DLG2: variants seen among roughly 807,000 people sequenced by gnomAD.
The protein encoded by DLG2 is discs large MAGUK scaffold protein 2, also known as disks large homolog 2.
In DLG2, 45 loss-of-function variants were observed where a neutral mutation model predicts 132.5. The observed-to-expected ratio is 0.34, with a 90% CI of 0.27 to 0.44. The LOEUF is 0.44. Among genes scored for constraint, DLG2 ranks in the 20% least tolerant of loss-of-function variants. The pLI, the probability that DLG2 is intolerant of heterozygous loss-of-function variation, is 1.00. For missense variants in DLG2, 1,045 were observed against 1,196.9 expected (o/e 0.87, Z 1.87); for synonymous variants, 424 against 419.6 (o/e 1.01, Z -0.13).
chr11:84,585,821 T>C (rs1033439768), intron 6 of DLG2, among the ~76,000 whole-genome samples: 8 of 152,256 alleles, frequency 5.3e-5, no homozygotes, highest in Non-Finnish European at 1.0e-4. Context: ...TTAAATCTTC[T>C]GTAACTTTAG....
intron 6 of DLG2, among the ~76,000 whole-genome samples, chr11:84,740,751 G>C (rs945216015): frequency 6.6e-6 from 1 of 152,126 alleles, no homozygotes; most frequent in Non-Finnish European, 1.5e-5. Context: ...TCCAACCAGA[G>C]GAACAGTCTG....
intron 6 of DLG2, among the ~76,000 whole-genome samples, chr11:84,912,339 G>C (rs1223423361): frequency 6.6e-6 from 1 of 152,088 alleles, no homozygotes; most frequent in Non-Finnish European, 1.5e-5. Context: ...GTATTTTTTG[G>C]TAGAGACAGG....
chr11:85,511,130 C>A (rs1314868877), intron 3 of DLG2, among the ~76,000 whole-genome samples: 1 of 151,958 alleles, frequency 6.6e-6, no homozygotes, highest in Non-Finnish European at 1.5e-5. Flanking sequence ...GGACAAAAAA[C>A]CGAACACCGC....
intron 10 of DLG2, among the ~76,000 whole-genome samples, chr11:84,081,025 T>G (rs899008470): frequency 2.0e-5 from 3 of 152,110 alleles, no homozygotes; most frequent in Admixed American, 1.3e-4. Context: ...TTGCTTCTTT[T>G]TTTTCAAATG....
intron 17 of DLG2, 106 bp from the exon 18 acceptor site, chr11:83,786,898 C>A: frequency 1.3e-6 from 1 of 797,938 alleles, no homozygotes; most frequent in East Asian, 2.7e-5. Flanking sequence ...TATCACATGC[C>A]TCAGAAACCC....
chr11:83,749,049 G>T (rs1208633493), intron 18 of DLG2, among the ~76,000 whole-genome samples: 1 of 152,166 alleles, frequency 6.6e-6, no homozygotes, highest in African/African-American at 2.4e-5. Flanking sequence ...GCTGCAGTAT[G>T]TAGTTCATTA....
chr11:85,218,511 T>G (rs547885278), intron 4 of DLG2, among the ~76,000 whole-genome samples: 1 of 152,050 alleles, frequency 6.6e-6, no homozygotes, highest in African/African-American at 2.4e-5. Context: ...AAAACCACAA[T>G]GAGATATGAT....
intron 7 of DLG2, among the ~76,000 whole-genome samples, chr11:84,521,492 T>A (rs1223671601): frequency 6.6e-6 from 1 of 152,216 alleles, no homozygotes; most frequent in East Asian, 1.9e-4. Flanking sequence ...GTAATTACAA[T>A]ATGTTATTCC....
chr11:84,882,159 CT>C (rs1449333447), intron 6 of DLG2, among the ~76,000 whole-genome samples: 1 of 151,990 alleles, frequency 6.6e-6, no homozygotes, highest in Non-Finnish European at 1.5e-5. Context: ...AGTACACCTT[CT>C]TTAAGGTGGG....
chr11:85,600,912 A>G (rs558864238), intron 2 of DLG2, among the ~76,000 whole-genome samples: 3 of 152,344 alleles, frequency 2.0e-5, no homozygotes, highest in Non-Finnish European at 2.9e-5. Context: ...AAAACAATAA[A>G]TCAAGCCCAA....
chr11:83,953,099 G>T (rs927627490), intron 14 of DLG2, among the ~76,000 whole-genome samples: 2 of 152,024 alleles, frequency 1.3e-5, no homozygotes, highest in Non-Finnish European at 2.9e-5. Flanking sequence ...AAAAATGAAC[G>T]ACATAACCCA....
intron 3 of DLG2, among the ~76,000 whole-genome samples, chr11:85,462,275 A>G (rs2153058880): frequency 6.6e-6 from 1 of 152,344 alleles, no homozygotes; most frequent in African/African-American, 2.4e-5. Flanking sequence ...TAGAAATACC[A>G]TTTGACCCAG....
intron 2 of DLG2, among the ~76,000 whole-genome samples, chr11:85,609,663 G>C (rs893385978): frequency 1.3e-5 from 2 of 152,260 alleles, no homozygotes; most frequent in Middle Eastern, 3.4e-3. Flanking sequence ...CCCCCAATAA[G>C]AAGACCCAAC....
intron 18 of DLG2, among the ~76,000 whole-genome samples, chr11:83,772,466 G>GAGGAAGGAAGGA (rs1229463616): frequency 2.3e-5 from 3 of 130,852 alleles, no homozygotes; most frequent in African/African-American, 8.3e-5. Context: ...GGGAGGGAGG[G>GAGGAAGGAAGGA]AGGAAGGAAG....
intron 9 of DLG2, among the ~76,000 whole-genome samples, chr11:84,132,428 G>T (rs1466616917): frequency 6.6e-6 from 1 of 151,862 alleles, no homozygotes; most frequent in Non-Finnish European, 1.5e-5. Flanking sequence ...CCCTATTATA[G>T]TCTCCTCACC....
At chr11:84,860,851 T>A (rs145820471) in intron 6 of DLG2, among the ~76,000 whole-genome samples, 3 of 147,292 alleles carry the variant, frequency 2.0e-5, no homozygotes, top group African/African-American at 5.0e-5. Context: ...AAGGGGGAAC[T>A]GCAATAGCCA....
intron 6 of DLG2, among the ~76,000 whole-genome samples, chr11:84,925,220 C>T (rs1285616848): frequency 6.6e-6 from 1 of 151,750 alleles, no homozygotes; most frequent in Non-Finnish European, 1.5e-5. Flanking sequence ...AGAGAGAGAC[C>T]AAAAAGAACT....
chr11:84,280,591 CA>C (rs926528800), intron 7 of DLG2, among the ~76,000 whole-genome samples: 1 of 150,484 alleles, frequency 6.6e-6, no homozygotes, highest in Non-Finnish European at 1.5e-5. Context: ...CTGAAAACTA[CA>C]AAAAAAGAAA....
chr11:84,306,484 A>G (rs762154846), intron 7 of DLG2, among the ~76,000 whole-genome samples: 3 of 152,238 alleles, frequency 2.0e-5, no homozygotes, highest in Non-Finnish European at 4.4e-5. Context: ...AAAATTGCTA[A>G]CAGAACAAAG....
Sources: allele counts gnomAD v4.1 joint callset (sites outside exome capture counted in the v4.1 genomes callset), GRCh38; gene constraint gnomAD v4.1.1; transcripts MANE v1.5; gene names NCBI Gene and HGNC (gene_info 2026-07-23, HGNC 2026-07-21).